Variants in TASOR observed in about 807,000 individuals in gnomAD.
TASOR encodes protein TASOR.
Under a neutral mutation model 178.6 loss-of-function variants are expected in TASOR, and 53 were observed. That is an observed-to-expected ratio of 0.30 (90% CI 0.24 to 0.37). TASOR has a LOEUF of 0.37. Ranked by LOEUF, TASOR falls within the 10% of genes least tolerant of loss-of-function variation. The pLI is 1.00. For synonymous variants in TASOR, 713 were observed against 696.2 expected, an observed-to-expected ratio of 1.02 and a Z score of -0.38; for missense variants, 1,815 against 1,971.4, an observed-to-expected ratio of 0.92 and a Z score of 1.50.
chr3:56,654,290 A>G (rs1336165562), intron 11 of TASOR, among the ~76,000 whole-genome samples: 1 of 151,578 alleles, frequency 6.6e-6, no homozygotes, highest in Non-Finnish European at 1.5e-5. Flanking sequence ...CAGAGATGGT[A>G]TAAGAAAGGA....
intron 11 of TASOR, among the ~76,000 whole-genome samples, chr3:56,651,484 A>C (rs1396012530): frequency 1.3e-5 from 2 of 152,126 alleles, no homozygotes; most frequent in African/African-American, 4.8e-5. Context: ...GATTGCTTGA[A>C]GCCAGGAGTT....
intron 6 of TASOR, among the ~76,000 whole-genome samples, chr3:56,667,369 G>A (rs2030153316): frequency 6.6e-6 from 1 of 151,980 alleles, no homozygotes; most frequent in Non-Finnish European, 1.5e-5. Flanking sequence ...AAAAGAACAG[G>A]TGCCGGGTGT....
intron 11 of TASOR, among the ~76,000 whole-genome samples, chr3:56,657,514 G>A (rs1435176091): frequency 1.3e-5 from 2 of 151,920 alleles, no homozygotes; most frequent in Non-Finnish European, 2.9e-5. Context: ...TTTACTCTTC[G>A]CATACCTTAA....
At chr3:56,625,948 G>A (rs1219278901) in intron 21 of TASOR, among the ~76,000 whole-genome samples, 1 of 152,120 alleles carries the variant, frequency 6.6e-6, no homozygotes. Flanking sequence ...TATATTGCAA[G>A]GGACAAGGCA....
chr3:56,675,806 G>A lies in TASOR; in HGVS notation c.332-2081C>T, dbSNP rs1030748276. Among the ~76,000 whole-genome samples, 5 of 152,116 alleles carry A rather than the reference G, an allele frequency of 3.3e-5. 1 individual carries two copies. In the East Asian group the frequency reaches 7.7e-4, roughly 23 times the overall value. ...TACTCCTAAAGGTAACAGATGCAGCGAACCGTTATCTTTTTTATACATGAT... is the reference window on the plus strand; with the variant it reads ...TACTCCTAAAGGTAACAGATGCAGCAAACCGTTATCTTTTTTATACATGAT... On this transcript the variant is annotated intron_variant, in intron 1 of 23. Coordinates refer to ENST00000683822, the MANE Select transcript of TASOR (RefSeq NM_001365635.2).
At chr3:56,671,805 CTCTA>C (rs1432944084) in intron 2 of TASOR, 113 bp from the exon 3 acceptor site, 8 of 702,954 alleles carry the variant, frequency 1.1e-5, no homozygotes, top group Admixed American at 5.5e-5. Flanking sequence ...GAAAAATAAT[CTCTA>C]TCTCTCTATA....
intron 23 of TASOR, chr3:56,623,930 G>T: frequency 1.9e-6 from 2 of 1,049,116 alleles, no homozygotes; most frequent in Admixed American, 2.6e-5. Flanking sequence ...TACTAAACTA[G>T]TTGGTTAGCA....
At chr3:56,676,588 T>A (rs2031318566) in intron 1 of TASOR, among the ~76,000 whole-genome samples, 1 of 152,206 alleles carries the variant, frequency 6.6e-6, no homozygotes, top group South Asian at 2.1e-4. Context: ...TTTTACACGA[T>A]TTTGTTTCTA....
chr3:56,669,802 C>T lies in TASOR; in HGVS notation c.644-11G>A, dbSNP rs577423898. ...TAGAAAGATAGACACCTAGAAAAGA[C>T]GGAAAAATTAAGGAAACTGATTATA... On this transcript the variant is annotated splice_polypyrimidine_tract_variant and intron_variant, in intron 4 of 23. Transcript: ENST00000683822. 5.2e-5 allele frequency: 78 copies of T among 1,512,682 alleles called. No individual in the cohort carries two copies. The highest frequency in any genetic ancestry group is 3.0e-4 in the East Asian group (12 of 40,518). 93.7% of individuals were successfully genotyped at this position (1,512,682 alleles called of 1,614,324 possible). A position where few individuals can be genotyped will look rare whatever the true frequency, so the allele number is the denominator to read the frequency against.
chr3:56,682,968 C>G lies in TASOR; in HGVS notation c.39G>C (p.Thr13=). Residue 13 remains threonine, a synonymous_variant, in exon 1 of 24, where the codon ACG becomes ACC. Coordinates refer to ENST00000683822, the MANE Select transcript of TASOR (RefSeq NM_001365635.2). ...TAVETEACQP[T]DASWESGGGG... ...CGCCGCCACTTTCCCAACTCGCATC[C>G]GTCGGCTGACAGGCCTCCGTCTCCA... The G allele has an allele frequency of 1.3e-6, 2 of 1,549,254 alleles. No individual in the cohort carries two copies. The highest frequency in any genetic ancestry group is 1.7e-6 in the Non-Finnish European group (2 of 1,146,232).
chr3:56,627,241 C>A, intron 20 of TASOR, 96 bp from the exon 21 acceptor site: 1 of 717,294 alleles, frequency 1.4e-6, no homozygotes, highest in Non-Finnish European at 2.4e-6. Context: ...GTAGAAACAC[C>A]TACTTTCCTA....
At chr3:56,650,114 T>G (rs964207826) in intron 11 of TASOR, among the ~76,000 whole-genome samples, 1 of 152,222 alleles carries the variant, frequency 6.6e-6, no homozygotes, top group African/African-American at 2.4e-5. Flanking sequence ...GCTACTGCAA[T>G]AGTTCACAAT....
In TASOR at chr3:56,682,744, C is replaced by A; in HGVS notation, c.263G>T (p.Gly88Val). 1 of 1,531,970 alleles carries A rather than the reference C, an allele frequency of 6.5e-7. No homozygotes were observed. The highest frequency in any genetic ancestry group is 8.8e-7 in the Non-Finnish European group (1 of 1,137,528). 94.9% of individuals were successfully genotyped at this position (1,531,970 alleles called of 1,614,324 possible). ...AACAGGCCTTTCGGGCTCTTCGGGG[C>A]CTCTGGGCAGGGCGGCCGCGCCCGC... ...SEAGAAALPR[G>V]PEEPERPVRR... is the part of the protein sequence containing the mutation. The change falls in exon 1 of 24, where the codon GGC becomes GTC. Residue 88 changes from glycine to valine, a missense_variant. By Grantham distance (109) the Gly-to-Val change is moderately radical (BLOSUM62 -3). Coordinates refer to ENST00000683822, the MANE Select transcript of TASOR (RefSeq NM_001365635.2).
intron 11 of TASOR, among the ~76,000 whole-genome samples, chr3:56,655,277 T>C (rs1198530206): frequency 1.3e-5 from 2 of 152,184 alleles, no homozygotes; most frequent in Non-Finnish European, 2.9e-5. Context: ...GATCCTAGAC[T>C]GCACATTAAC....
chr3:56,629,771 A>G (rs111446294), intron 18 of TASOR, among the ~76,000 whole-genome samples: 35 of 152,300 alleles, frequency 2.3e-4, no homozygotes, highest in African/African-American at 7.0e-4. Flanking sequence ...TCAGACAGCT[A>G]TAATAAAAAC....
At chr3:56,650,263 G>A (rs1247996204) in intron 11 of TASOR, among the ~76,000 whole-genome samples, 1 of 152,100 alleles carries the variant, frequency 6.6e-6, no homozygotes, top group Non-Finnish European at 1.5e-5. Flanking sequence ...ATAATTCAGA[G>A]GACAAAAAGT....
At chr3:56,673,509 A>G in intron 2 of TASOR, 71 bp downstream of exon 2, 1 of 1,193,140 alleles carries the variant, frequency 8.4e-7, no homozygotes, top group Non-Finnish European at 1.1e-6. Context: ...GTATTTCTAG[A>G]GAACATTTTT....
chr3:56,621,452 G>A lies in TASOR; in HGVS notation c.*1585C>T, dbSNP rs897615458. ...ATCCTAAGCGATATGTTTTCCAAGT[G>A]AATATAATTCTAGTTTAACACAACA... On this transcript the variant is annotated 3_prime_UTR_variant, in exon 24 of 24. Transcript: ENST00000683822. 2.6e-5 allele frequency: 25 copies of A among 964,836 alleles called. No individual in the cohort carries two copies. The African/African-American group carries it at 4.1e-4, about 16-fold the overall frequency. The allele number at this position is 964,836 out of a possible 1,614,324, so 59.8% of individuals were successfully genotyped here.
In TASOR at chr3:56,683,056, G is replaced by C. The variant is rs1346125420; in HGVS notation, c.-50C>G. 1 of 1,448,582 alleles carries C rather than the reference G, an allele frequency of 6.9e-7. No homozygotes were observed. Among genetic ancestry groups the C allele is most frequent in the Non-Finnish European group, 9.1e-7 (1 of 1,098,338 alleles). 89.7% of individuals were successfully genotyped at this position (1,448,582 alleles called of 1,614,324 possible). A position where few individuals can be genotyped will look rare whatever the true frequency, so the allele number is the denominator to read the frequency against. On this transcript the variant is annotated 5_prime_UTR_variant, in exon 1 of 24. Transcript: ENST00000683822. ...AAGCTTCTGCCCACAAGGTCGACGG[G>C]TGTGGGGGGAAGGGGCGGCGGGCCA...
Sources: gnomAD v4.1 joint callset for allele counts (sites outside exome capture counted in the v4.1 genomes callset) on GRCh38, gnomAD v4.1.1 for gene constraint, MANE v1.5 for transcripts, NCBI Gene and HGNC (gene_info 2026-07-23, HGNC 2026-07-21) for gene names.